Variants in PDE10A observed in about 807,000 individuals in gnomAD.
PDE10A encodes phosphodiesterase 10A.
Under a neutral mutation model 97.7 loss-of-function variants are expected in PDE10A, and 39 were observed. That is an observed-to-expected ratio of 0.40 (90% CI 0.31 to 0.52). The LOEUF is 0.52. PDE10A is among the 20% of genes least tolerant of loss of function. PDE10A has a pLI of 0.56. For synonymous variants in PDE10A, 371 were observed against 376.8 expected, an observed-to-expected ratio of 0.98 and a Z score of 0.18; for missense variants, 731 against 1,047.8, an observed-to-expected ratio of 0.70 and a Z score of 4.17.
At chr6:165,442,070 T>G (rs1790508786) in intron 5 of PDE10A, among the ~76,000 whole-genome samples, 1 of 152,222 alleles carries the variant, frequency 6.6e-6, no homozygotes, top group Non-Finnish European at 1.5e-5. Context: ...GTAAATGGTT[T>G]GTGTATTAGT....
chr6:165,928,835 T>G (rs1221059844), intron 1 of PDE10A, among the ~76,000 whole-genome samples: 1 of 152,182 alleles, frequency 6.6e-6, no homozygotes, highest in African/African-American at 2.4e-5. Context: ...CAGCCCCGAC[T>G]CCACTGTGTG....
chr6:165,600,328 T>C (rs757164974), intron 1 of PDE10A, among the ~76,000 whole-genome samples: 15 of 152,238 alleles, frequency 9.9e-5, no homozygotes, highest in South Asian at 4.2e-4. Context: ...TGAAGGACGA[T>C]TGTCCAGGAA....
intron 18 of PDE10A, among the ~76,000 whole-genome samples, chr6:165,347,994 T>C (rs1562370098): frequency 6.6e-6 from 1 of 152,194 alleles, no homozygotes; most frequent in Non-Finnish European, 1.5e-5. Context: ...GTGTTTAATA[T>C]TGTACCCTTT....
chr6:165,917,722 G>A (rs185864015), intron 1 of PDE10A, among the ~76,000 whole-genome samples: 1 of 152,166 alleles, frequency 6.6e-6, no homozygotes, highest in Admixed American at 6.5e-5. Flanking sequence ...GTCCGGACCC[G>A]GGGAGCACCC....
At chr6:165,795,545 G>A (rs544191275) in intron 1 of PDE10A, among the ~76,000 whole-genome samples, 1 of 152,132 alleles carries the variant, frequency 6.6e-6, no homozygotes, top group East Asian at 1.9e-4. Context: ...GGCCAACATG[G>A]TGAAACCCCG....
At chr6:165,773,621 C>G (rs1319053265) in intron 1 of PDE10A, among the ~76,000 whole-genome samples, 1 of 152,150 alleles carries the variant, frequency 6.6e-6, no homozygotes, top group Non-Finnish European at 1.5e-5. Context: ...GCCCCTGACT[C>G]AAGCGCATGC....
At chr6:165,945,778 T>C (rs1439442541) in intron 1 of PDE10A, among the ~76,000 whole-genome samples, 1 of 152,202 alleles carries the variant, frequency 6.6e-6, no homozygotes, top group Non-Finnish European at 1.5e-5. Context: ...TATGGAGCAA[T>C]AGATAACTAA....
At chr6:165,550,436 G>A (rs1783955411) in intron 1 of PDE10A, among the ~76,000 whole-genome samples, 1 of 152,020 alleles carries the variant, frequency 6.6e-6, no homozygotes. Context: ...GATAAATTTG[G>A]GGGAGAATAC....
At chr6:165,720,433 C>T (rs1792137067) in intron 1 of PDE10A, among the ~76,000 whole-genome samples, 1 of 152,164 alleles carries the variant, frequency 6.6e-6, no homozygotes, top group African/African-American at 2.4e-5. Flanking sequence ...GCACTTCAGT[C>T]CTTCTTGCCT....
intron 1 of PDE10A, among the ~76,000 whole-genome samples, chr6:165,749,583 T>C (rs1792950191): frequency 6.8e-6 from 1 of 147,042 alleles, no homozygotes; most frequent in Non-Finnish European, 1.5e-5. Context: ...TAGGTAACTC[T>C]AAATGCTCCT....
intron 1 of PDE10A, among the ~76,000 whole-genome samples, chr6:165,793,221 C>T (rs1278228465): frequency 1.3e-5 from 2 of 152,102 alleles, no homozygotes; most frequent in Non-Finnish European, 2.9e-5. Context: ...GCCAAACTAC[C>T]ACAAGCCTTC....
intron 5 of PDE10A, among the ~76,000 whole-genome samples, chr6:165,439,914 T>C (rs377172976): frequency 6.6e-5 from 10 of 152,214 alleles, no homozygotes; most frequent in East Asian, 1.9e-4. Flanking sequence ...ATCAGCCAAA[T>C]AGATGTTTAC....
intron 18 of PDE10A, among the ~76,000 whole-genome samples, chr6:165,371,605 G>C (rs1413810306): frequency 6.6e-6 from 1 of 152,100 alleles, no homozygotes; most frequent in Non-Finnish European, 1.5e-5. Context: ...CAACCAAAAA[G>C]AGTCCAGGAC....
intron 1 of PDE10A, among the ~76,000 whole-genome samples, chr6:165,777,841 T>C (rs1023246321): frequency 6.6e-6 from 1 of 152,170 alleles, no homozygotes; most frequent in African/African-American, 2.4e-5. Context: ...ACCGACACCA[T>C]GGTGTCTGCT....
intron 1 of PDE10A, among the ~76,000 whole-genome samples, chr6:165,748,592 G>A (rs1487433949): frequency 6.6e-6 from 1 of 152,112 alleles, no homozygotes; most frequent in Non-Finnish European, 1.5e-5. Context: ...TTTATTCTCT[G>A]TGCCAAAGGA....
At chr6:165,602,286 C>G (rs1047436862) in intron 1 of PDE10A, among the ~76,000 whole-genome samples, 5 of 152,182 alleles carry the variant, frequency 3.3e-5, no homozygotes, top group African/African-American at 1.2e-4. Context: ...TTGGCCCACC[C>G]CAATCTTTCT....
chr6:165,826,971 A>T (rs1779777920), intron 1 of PDE10A, among the ~76,000 whole-genome samples: 1 of 151,946 alleles, frequency 6.6e-6, no homozygotes, highest in South Asian at 2.1e-4. Context: ...ACAGAGGGAC[A>T]TCAGGAGGGG....
At position 165,416,223 on chromosome 6, in the gene PDE10A, T is replaced by C; in HGVS notation, c.1855A>G (p.Ile619Val). ...QVARTGEVLNIPDAYADPRFN... is the reference protein window; with the variant it reads ...QVARTGEVLNVPDAYADPRFN... Reference sequence around the variant, plus strand: ...CGTGGGTCTGCATAGGCATCTGGAATGTTCAGGACTTCCCCTGTTCTTGCT... The same window carrying C: ...CGTGGGTCTGCATAGGCATCTGGAACGTTCAGGACTTCCCCTGTTCTTGCT... Residue 619 changes from isoleucine (I) to valine (V), a missense_variant, in exon 12 of 22, where the codon ATT becomes GTT. Around this residue, in one of 8 missense-constraint regions of PDE10A, gnomAD observed 108 missense variants for 199.8 expected, o/e 0.54. Transcript: ENST00000539869. 1 of 1,613,300 alleles carries C rather than the reference T, an allele frequency of 6.2e-7. No homozygotes were observed. The highest frequency in any genetic ancestry group is 1.1e-5 in the South Asian group (1 of 91,058).
At chr6:165,629,077 G>T (rs1788513415) in intron 1 of PDE10A, among the ~76,000 whole-genome samples, 1 of 151,926 alleles carries the variant, frequency 6.6e-6, no homozygotes, top group East Asian at 1.9e-4. Context: ...ATGTGCGAGT[G>T]GGTAGATGGT....
Sources: allele counts gnomAD v4.1 joint callset (sites outside exome capture counted in the v4.1 genomes callset), GRCh38; gene constraint gnomAD v4.1.1; regional missense constraint gnomAD v4.1.1; transcripts MANE v1.5; gene names NCBI Gene and HGNC (gene_info 2026-07-23, HGNC 2026-07-21).